MSI2: variants seen among roughly 807,000 people sequenced by gnomAD.
MSI2 encodes RNA-binding protein Musashi homolog 2.
MSI2 carries 17 observed loss-of-function variants against 45.6 expected under a neutral mutation model. The observed-to-expected ratio is 0.37, with a 90% confidence interval of 0.26 to 0.56. MSI2 has a LOEUF of 0.56. MSI2 is among the 20% of genes least tolerant of loss of function. The probability of loss-of-function intolerance (pLI) is 0.77; values close to 1 mark genes in which losing one functional copy is unlikely to be tolerated. For synonymous variants in MSI2, 156 were observed against 158.2 expected (o/e 0.99, Z 0.11); for missense variants, 293 against 444.2 (o/e 0.66, Z 3.06).
chr17:57,310,926 T>C (rs531460754), intron 5 of MSI2, among the ~76,000 whole-genome samples: 1 of 152,362 alleles, frequency 6.6e-6, no homozygotes, highest in East Asian at 1.9e-4. Context: ...GCATATTGCC[T>C]GTTCTTTCTC....
intron 7 of MSI2, among the ~76,000 whole-genome samples, chr17:57,572,998 G>A (rs947556547): frequency 2.0e-5 from 3 of 152,208 alleles, no homozygotes; most frequent in African/African-American, 7.2e-5. Context: ...TCCGTCTGAG[G>A]ATCCCACATG....
intron 5 of MSI2, among the ~76,000 whole-genome samples, chr17:57,339,196 G>A (rs528984728): frequency 2.0e-5 from 3 of 152,174 alleles, no homozygotes; most frequent in Non-Finnish European, 2.9e-5. Flanking sequence ...CAAGCAGCCC[G>A]CGAGGCACCA....
At chr17:57,335,856 G>A (rs938994396) in intron 5 of MSI2, among the ~76,000 whole-genome samples, 2 of 152,198 alleles carry the variant, frequency 1.3e-5, no homozygotes, top group African/African-American at 2.4e-5. Flanking sequence ...CATGTGTGAG[G>A]AGTAGCAGGG....
chr17:57,345,759 C>T (rs957548704), intron 5 of MSI2, among the ~76,000 whole-genome samples: 1 of 148,830 alleles, frequency 6.7e-6, no homozygotes, highest in African/African-American at 2.5e-5. Context: ...GTGGAGGTTG[C>T]AGCGAGCCTA....
At chr17:57,398,204 G>T (rs1486029173) in intron 5 of MSI2, among the ~76,000 whole-genome samples, 1 of 152,200 alleles carries the variant, frequency 6.6e-6, no homozygotes, top group African/African-American at 2.4e-5. Flanking sequence ...CATGTTGTTT[G>T]TTGAATTCTC....
intron 7 of MSI2, among the ~76,000 whole-genome samples, chr17:57,575,362 C>T (rs900479720): frequency 6.6e-6 from 1 of 152,168 alleles, no homozygotes; most frequent in African/African-American, 2.4e-5. Flanking sequence ...ACATTTGACA[C>T]CGCTCTAGGT....
intron 5 of MSI2, among the ~76,000 whole-genome samples, chr17:57,339,243 G>A (rs1020266592): frequency 2.0e-5 from 3 of 152,216 alleles, no homozygotes; most frequent in African/African-American, 7.2e-5. Context: ...TGGTGGCTTC[G>A]CGTTTGGGCA....
the MSI2 span, among the ~76,000 whole-genome samples, chr17:57,693,894 T>C: frequency 6.6e-6 from 1 of 152,250 alleles, no homozygotes; most frequent in Non-Finnish European, 1.5e-5. Flanking sequence ...GCCTGTTGCC[T>C]ATTTTTGTAT....
At chr17:57,625,630 T>C (rs892439804) in intron 9 of MSI2, 3 of 152,284 alleles carry the variant, frequency 2.0e-5, no homozygotes, top group Non-Finnish European at 2.9e-5. Context: ...AGTGTCACTG[T>C]TGCCCTCAAT....
At chr17:57,316,595 G>A (rs766577686) in intron 5 of MSI2, among the ~76,000 whole-genome samples, 4 of 152,186 alleles carry the variant, frequency 2.6e-5, no homozygotes, top group Non-Finnish European at 5.9e-5. Context: ...TGAAGTGCTG[G>A]GATTACAGGC....
intron 6 of MSI2, among the ~76,000 whole-genome samples, chr17:57,433,603 C>T (rs1211212493): frequency 1.3e-5 from 2 of 152,178 alleles, no homozygotes; most frequent in Non-Finnish European, 2.9e-5. Flanking sequence ...CCTAGAAAAC[C>T]AAGACAATAG....
downstream of MSI2, among the ~76,000 whole-genome samples, chr17:57,687,187 G>A (rs1346943071): frequency 1.1e-5 from 1 of 91,108 alleles, no homozygotes; most frequent in Admixed American, 1.2e-4. Flanking sequence ...TATAGCCAAA[G>A]CTGTACTCAA....
At chr17:57,375,377 G>A (rs2143987832) in intron 5 of MSI2, among the ~76,000 whole-genome samples, 1 of 152,278 alleles carries the variant, frequency 6.6e-6, no homozygotes, top group African/African-American at 2.4e-5. Context: ...GCCGAGGAGA[G>A]GAAACTCAAG....
chr17:57,469,676 G>A (rs2085396563), intron 6 of MSI2, among the ~76,000 whole-genome samples: 1 of 152,240 alleles, frequency 6.6e-6, no homozygotes, highest in Non-Finnish European at 1.5e-5. Flanking sequence ...AGAAGGGTTG[G>A]TGAGAGACTA....
Position 57,646,600 on chromosome 17 carries a change from T to C in MSI2, c.728-5499T>C, listed in dbSNP as rs28429966. ...ACACAGGGCCCGAAGAAGTGAAGTG[T>C]CGTGTCCAATTGCACAGCAAAGCAG... On this transcript the variant is annotated intron_variant, in intron 10 of 13. Transcript: ENST00000284073. 9.0e-3 allele frequency among the ~76,000 whole-genome samples: 1,367 copies of C among 152,250 alleles called. 19 individuals are homozygous for C. Among genetic ancestry groups the C allele is most frequent in the African/African-American group, 0.03 (1,249 of 41,546 alleles).
At chr17:57,617,742 T>A (rs748159564) in intron 9 of MSI2, among the ~76,000 whole-genome samples, 1 of 152,084 alleles carries the variant, frequency 6.6e-6, no homozygotes. Context: ...TGAGCCAGCC[T>A]GGGCAACATA....
intron 10 of MSI2, among the ~76,000 whole-genome samples, chr17:57,644,507 G>A (rs977745416): frequency 3.3e-5 from 5 of 152,094 alleles, no homozygotes; most frequent in Non-Finnish European, 7.4e-5. Flanking sequence ...CGGGAGGTGG[G>A]AGCATCCTGG....
intron 5 of MSI2, among the ~76,000 whole-genome samples, chr17:57,365,915 G>T (rs1917152686): frequency 6.6e-6 from 1 of 152,002 alleles, no homozygotes; most frequent in Non-Finnish European, 1.5e-5. Context: ...TCTTCCCAAT[G>T]TTGACTATTT....
intron 6 of MSI2, among the ~76,000 whole-genome samples, chr17:57,430,348 G>T (rs1042582422): frequency 1.3e-5 from 2 of 151,876 alleles, no homozygotes; most frequent in East Asian, 1.9e-4. Flanking sequence ...ATCTCAGTCC[G>T]CCTTCTTTCT....
Sources: allele counts gnomAD v4.1 joint callset (sites outside exome capture counted in the v4.1 genomes callset), GRCh38; gene constraint gnomAD v4.1.1; transcripts MANE v1.5; gene names NCBI Gene and HGNC (gene_info 2026-07-23, HGNC 2026-07-21).